Variants in AFF3 observed in about 807,000 individuals in gnomAD.
The protein encoded by AFF3 is AF4/FMR2 family member 3.
A neutral mutation model predicts 129.7 loss-of-function variants in AFF3; 32 were observed. That is an observed-to-expected ratio of 0.25 (90% CI 0.19 to 0.33). The LOEUF (loss-of-function observed/expected upper bound fraction) is 0.33. Ranked by LOEUF, AFF3 falls within the 10% of genes least tolerant of loss-of-function variation. The probability of loss-of-function intolerance (pLI) is 1.00; values close to 1 mark genes in which losing one functional copy is unlikely to be tolerated. For missense variants in AFF3, 1,373 were observed against 1,592.0 expected (o/e 0.86, Z 2.34); for synonymous variants, 644 against 635.4 (o/e 1.01, Z -0.20).
In AFF3 at chr2:99,910,263, C is replaced by T. The variant is rs78698985; in HGVS notation, c.874-72739G>A. Among the ~76,000 whole-genome samples, 10 of 152,278 alleles carry T rather than the reference C, an allele frequency of 6.6e-5. 1 individual carries two copies. In the East Asian group the frequency reaches 1.9e-3, roughly 29 times the overall value. ...GTTTAGACAATAATAGAAAACAATT[C>T]TCCCATTATTTATTCACTAAGCATT... is the stretch of plus-strand genomic sequence containing the variant. On this transcript the variant is annotated intron_variant, in intron 7 of 24. Coordinates refer to ENST00000672756, the MANE Select transcript of AFF3 (RefSeq NM_001386135.1).
chr2:99,692,253 A>G (rs1388019936), intron 11 of AFF3, among the ~76,000 whole-genome samples: 3 of 152,156 alleles, frequency 2.0e-5, no homozygotes, highest in Non-Finnish European at 2.9e-5. Context: ...AGGCCCAGGA[A>G]AGCCCCAGTT....
chr2:99,728,859 A>G (rs1050079768), intron 10 of AFF3, among the ~76,000 whole-genome samples: 2 of 152,206 alleles, frequency 1.3e-5, no homozygotes, highest in African/African-American at 4.8e-5. Flanking sequence ...CTTCCAGGCA[A>G]GGTCTGTGGT....
intron 12 of AFF3, among the ~76,000 whole-genome samples, chr2:99,663,588 C>A (rs140494172): frequency 1.4e-3 from 217 of 152,248 alleles, no homozygotes; most frequent in African/African-American, 5.1e-3. Context: ...AGTAAATTAA[C>A]GCCAATGGGG....
At chr2:99,925,699 T>C (rs1020673144) in intron 7 of AFF3, among the ~76,000 whole-genome samples, 1 of 152,224 alleles carries the variant, frequency 6.6e-6, no homozygotes, top group Non-Finnish European at 1.5e-5. Flanking sequence ...ACTGAGGCTG[T>C]CTGGGCAGAG....
intron 2 of AFF3, chr2:100,106,777 C>T (rs777571490): frequency 1.9e-4 from 187 of 985,448 alleles, no homozygotes; most frequent in Non-Finnish European, 2.1e-4. Context: ...ACAAACATAA[C>T]CGTGTTTACT....
chr2:99,550,279 C>G lies in AFF3; in HGVS notation c.*1195G>C, dbSNP rs1038618356. The G allele has an allele frequency of 8.7e-6, 2 of 231,136 alleles. No individual in the cohort carries two copies. The highest frequency in any genetic ancestry group is 1.7e-5 in the Non-Finnish European group (2 of 116,820). 14.3% of individuals were successfully genotyped at this position (231,136 alleles called of 1,614,324 possible). ...GAAGAGGCTCTGGTTGCTGCTGCCCCAGAAAGGAACTGTGATCTTCTGCAT... is the reference window on the plus strand; with the variant it reads ...GAAGAGGCTCTGGTTGCTGCTGCCCGAGAAAGGAACTGTGATCTTCTGCAT... On this transcript the variant is annotated 3_prime_UTR_variant, in exon 25 of 25. Transcript: ENST00000672756.
At chr2:100,082,640 A>G (rs1221234667) in intron 4 of AFF3, among the ~76,000 whole-genome samples, 1 of 152,148 alleles carries the variant, frequency 6.6e-6, no homozygotes, top group Admixed American at 6.5e-5. Context: ...AATGGAGGGG[A>G]AAAAATCAAG....
At position 99,586,025 on chromosome 2, in the gene AFF3, G is replaced by A. The variant is rs181922267; in HGVS notation, c.2591+1129C>T. Among the ~76,000 whole-genome samples the A allele has an allele frequency of 1.8e-3, 273 of 152,250 alleles. 2 individuals are homozygous for A. The highest frequency in any genetic ancestry group is 6.2e-3 in the African/African-American group (259 of 41,548). On this transcript the variant is annotated intron_variant, in intron 16 of 24. Transcript: ENST00000672756. ...ATTACAGGCGTGAGCCACCGCACCC[G>A]GCCAAATCACAGCTATTTTCATATC...
intron 4 of AFF3, among the ~76,000 whole-genome samples, chr2:100,045,342 A>G (rs1346037121): frequency 6.6e-6 from 1 of 152,238 alleles, no homozygotes; most frequent in African/African-American, 2.4e-5. Flanking sequence ...TAAGAGGCAC[A>G]GAAAACAGAC....
intron 11 of AFF3, among the ~76,000 whole-genome samples, chr2:99,719,953 C>T (rs1484165977): frequency 2.0e-5 from 3 of 152,178 alleles, no homozygotes; most frequent in East Asian, 1.9e-4. Context: ...AGGAGAATGG[C>T]GTGAACCCGG....
At chr2:99,923,482 C>T (rs1220378759) in intron 7 of AFF3, among the ~76,000 whole-genome samples, 1 of 152,196 alleles carries the variant, frequency 6.6e-6, no homozygotes, top group Non-Finnish European at 1.5e-5. Flanking sequence ...CTCTCAAGAG[C>T]CACAATTGCA....
At chr2:100,024,184 A>T (rs2104896457) in intron 4 of AFF3, among the ~76,000 whole-genome samples, 1 of 140,802 alleles carries the variant, frequency 7.1e-6, no homozygotes, top group South Asian at 2.3e-4. Context: ...GTGAGCCGAG[A>T]TCGCGCCACT....
At chr2:99,578,227 G>A (rs1320608546) in intron 18 of AFF3, 100 bp downstream of exon 18, 11 of 1,450,062 alleles carry the variant, frequency 7.6e-6, no homozygotes, top group Non-Finnish European at 7.3e-6. Context: ...AGGCCGCACT[G>A]TAGCTGAAGG....
intron 7 of AFF3, among the ~76,000 whole-genome samples, chr2:99,858,525 C>T (rs969759707): frequency 3.9e-5 from 6 of 151,960 alleles, no homozygotes; most frequent in Admixed American, 6.6e-5. Context: ...CACTCCAGCC[C>T]AGGCAACAGA....
intron 7 of AFF3, among the ~76,000 whole-genome samples, chr2:99,868,002 G>A (rs779162511): frequency 1.2e-4 from 17 of 145,554 alleles, no homozygotes; most frequent in Non-Finnish European, 2.2e-4. Flanking sequence ...TAACACCCAC[G>A]ACTCTCTTTC....
At chr2:99,615,358 C>T (rs1247862523) in intron 13 of AFF3, among the ~76,000 whole-genome samples, 1 of 152,250 alleles carries the variant, frequency 6.6e-6, no homozygotes, top group Non-Finnish European at 1.5e-5. Flanking sequence ...CACTTCCCGC[C>T]TGTCCTGGGC....
chr2:99,759,681 A>C (rs1041987486), intron 8 of AFF3, among the ~76,000 whole-genome samples: 7 of 152,268 alleles, frequency 4.6e-5, no homozygotes, highest in African/African-American at 1.7e-4. Context: ...CCAAAACCTA[A>C]GAATTATTTC....
chr2:100,004,601 T>A (rs1681778235), intron 7 of AFF3, among the ~76,000 whole-genome samples: 1 of 152,218 alleles, frequency 6.6e-6, no homozygotes, highest in Non-Finnish European at 1.5e-5. Flanking sequence ...GCGGATTTTA[T>A]TGGAATAGCC....
At position 99,551,497 on chromosome 2, in the gene AFF3, G is replaced by A; in HGVS notation, c.3658C>T (p.Arg1220Trp). The change falls in exon 25 of 25, where the codon CGG (arginine) becomes TGG (tryptophan). Residue 1220 changes from arginine (R) to tryptophan (W), a missense_variant. Physicochemically the swap from Arg to Trp is moderately radical, Grantham distance 101. Transcript: ENST00000672756. ...CCCTATGACAGGTGGGCGCTGTTCCGCAGCCAGTGCAGGCCCTGTTGGGAG... is the reference window on the plus strand; with the variant it reads ...CCCTATGACAGGTGGGCGCTGTTCCACAGCCAGTGCAGGCCCTGTTGGGAG... Reference protein sequence around the residue: ...QYSQQGLHWLRNSAHLS With the variant: ...QYSQQGLHWLWNSAHLS 2 of 1,614,040 alleles carry A rather than the reference G, an allele frequency of 1.2e-6. No homozygotes were observed. The highest frequency in any genetic ancestry group is 1.7e-6 in the Non-Finnish European group (2 of 1,179,982).
Sources: allele counts gnomAD v4.1 joint callset (sites outside exome capture counted in the v4.1 genomes callset), GRCh38; gene constraint gnomAD v4.1.1; transcripts MANE v1.5; gene names NCBI Gene and HGNC (gene_info 2026-07-23, HGNC 2026-07-21).